BRD2: variants seen among roughly 807,000 people sequenced by gnomAD.
BRD2 encodes the protein bromodomain containing 2, also known as bromodomain-containing protein 2.
Under a neutral mutation model 79.1 loss-of-function variants are expected in BRD2, and 15 were observed. The ratio of observed to expected loss-of-function variants is 0.19; its 90% CI spans 0.13 to 0.29. The LOEUF (loss-of-function observed/expected upper bound fraction) is 0.29, where lower values mean the gene tolerates loss of function less well. Ranked by LOEUF, BRD2 falls within the 10% of genes least tolerant of loss-of-function variation. The pLI is 1.00. For synonymous variants in BRD2, 488 were observed against 358.6 expected (o/e 1.36, Z -4.08); for missense variants, 1,053 against 991.3 (o/e 1.06, Z -0.84).
At chr6:32,973,249 GTA>G in intron 2 of BRD2, 1 of 1,190,154 alleles carries the variant, frequency 8.4e-7, no homozygotes, top group South Asian at 1.4e-5. Context: ...GGTGGGTCTG[GTA>G]TCTAGCGGCG....
At position 32,968,904 on chromosome 6, in the gene BRD2, C is replaced by G. The variant is rs1448820419; in HGVS notation, c.-1457C>G. On this transcript the variant is annotated 5_prime_UTR_variant, in exon 1 of 13. Transcript: ENST00000374825. ...GCGCGGCCCCGATGCTCTCCCCACCCCCCCAGCCCGTTCGGGAAGGGAGGG... is the reference window on the plus strand; with the variant it reads ...GCGCGGCCCCGATGCTCTCCCCACCGCCCCAGCCCGTTCGGGAAGGGAGGG... The G allele has an allele frequency of 6.3e-6, 1 of 158,270 alleles. No individual in the cohort carries two copies. The highest frequency in any genetic ancestry group is 2.4e-5 in the African/African-American group (1 of 41,524). 9.8% of individuals were successfully genotyped at this position (158,270 alleles called of 1,614,324 possible).
Position 32,971,614 on chromosome 6 carries a change from T to C in BRD2, c.-1285T>C, listed in dbSNP as rs923359562. The C allele has an allele frequency of 6.6e-6, 3 of 455,380 alleles. No individual in the cohort carries two copies. Among genetic ancestry groups the C allele is most frequent in the African/African-American group, 4.1e-5 (2 of 48,878 alleles). The allele number at this position is 455,380 out of a possible 1,614,324, so 28.2% of individuals were successfully genotyped here. ...TTTCAGATTCTTCGCTGCTGCTGCC[T>C]TACCGCCGAGAACCACCACCCGCCA... On this transcript the variant is annotated 5_prime_UTR_variant, in exon 2 of 13. Transcript: ENST00000374825.
chr6:32,981,015 T>TA lies in BRD2; in HGVS notation c.*298dup, dbSNP rs1413519956. ...AGTGTGCAAAGCCCTGATCTGGAGT[T>TA]ACCTGAGGCCACAGCTGCCCTATTC... On this transcript the variant is annotated 3_prime_UTR_variant, in exon 13 of 13. Coordinates refer to ENST00000374825, the MANE Select transcript of BRD2 (RefSeq NM_005104.4). The TA allele has an allele frequency of 4.8e-6, 2 of 416,214 alleles. No individual in the cohort carries two copies. Among genetic ancestry groups the TA allele is most frequent in the Non-Finnish European group, 8.9e-6 (2 of 224,228 alleles). The allele number at this position is 416,214 out of a possible 1,614,324, so 25.8% of individuals were successfully genotyped here.
rs895995682 is a variant in BRD2, at chr6:32,972,109, G to A, written c.-790G>A. 36 of 692,062 alleles carry A rather than the reference G, an allele frequency of 5.2e-5. No homozygotes were observed. In the African/African-American group the frequency reaches 6.0e-4, roughly 12 times the overall value. 42.9% of individuals were successfully genotyped at this position (692,062 alleles called of 1,614,324 possible). ...GCGAGCGCGCGCGCGCGGAGGGGGT[G>A]GGGAAAAGCTCAAGCAGGGTGGCGC... On this transcript the variant is annotated 5_prime_UTR_variant, in exon 2 of 13. Transcript: ENST00000374825.
intron 10 of BRD2, chr6:32,978,601 CTG>C: frequency 1.4e-6 from 1 of 725,970 alleles, no homozygotes. Context: ...TGGGATGAAA[CTG>C]TTCCACCTCA....
chr6:32,974,822 G>T, intron 3 of BRD2, 57 bp downstream of exon 3: 1 of 1,577,162 alleles, frequency 6.3e-7, no homozygotes, highest in South Asian at 1.2e-5. Context: ...GCGTGTGAAT[G>T]GGGGTGGTCT....
In BRD2 at chr6:32,974,637, C is replaced by A; in HGVS notation, c.205C>A (p.Pro69Thr). ...ANPPPPEVSN[P>T]KKPGRVTNQL... ...CCCACCACCCCCGGAGGTGTCCAAT[C>A]CCAAAAAGCCAGGACGAGTTACCAA... The change falls in exon 3 of 13, where the codon CCC becomes ACC. Residue 69 changes from proline to threonine, a missense_variant. By Grantham distance (38) the Pro-to-Thr change is conservative. Around this residue, in one of 5 missense-constraint regions of BRD2, gnomAD observed 413 missense variants for 335.1 expected, o/e 1.23. Coordinates refer to ENST00000374825, the MANE Select transcript of BRD2 (RefSeq NM_005104.4). The A allele has an allele frequency of 6.2e-7, 1 of 1,614,208 alleles. No individual in the cohort carries two copies. Among genetic ancestry groups the A allele is most frequent in the Admixed American group, 1.7e-5 (1 of 60,032 alleles).
At chr6:32,980,518 TGTC>T in intron 12 of BRD2, 54 bp downstream of exon 12, 1 of 1,612,090 alleles carries the variant, frequency 6.2e-7, no homozygotes, top group Admixed American at 1.7e-5. Context: ...CCTTCTTGAC[TGTC>T]TTTTATTGAC....
Position 32,974,505 on chromosome 6 carries a change from G to C in BRD2, c.73G>C (p.Glu25Gln). ...GNAGLLGLGP[E>Q]AAAPGKRIRK... Reference sequence around the variant, plus strand: ...TGCAGGGTTGCTGGGGCTGGGCCCAGAAGCAGCAGCACCAGGGAAGAGGAT... The same window carrying C: ...TGCAGGGTTGCTGGGGCTGGGCCCACAAGCAGCAGCACCAGGGAAGAGGAT... The change falls in exon 3 of 13, where the codon GAA becomes CAA. Residue 25 changes from glutamate to glutamine, a missense_variant. Coordinates refer to ENST00000374825, the MANE Select transcript of BRD2 (RefSeq NM_005104.4). 1 of 1,613,798 alleles carries C rather than the reference G, an allele frequency of 6.2e-7. No homozygotes were observed. The highest frequency in any genetic ancestry group is 1.1e-5 in the South Asian group (1 of 91,086).
At chr6:32,979,075 T>G (rs1779180193) in intron 10 of BRD2, 1 of 149,332 alleles carries the variant, frequency 6.7e-6, no homozygotes, top group African/African-American at 2.5e-5. Context: ...GTTTTTTGTT[T>G]TGTTTTTTTT....
At position 32,968,787 on chromosome 6, in the gene BRD2, A is replaced by G. The variant is rs1777673651; in HGVS notation, c.-1574A>G. On this transcript the variant is annotated 5_prime_UTR_variant, in exon 1 of 13. Coordinates refer to ENST00000374825, the MANE Select transcript of BRD2 (RefSeq NM_005104.4). ...GCGCGACCCCCAGGAACGTTCGGAA[A>G]GCTGGTCCTCGTGGCTGGGGGAAAG... 6.9e-6 allele frequency: 1 copy of G among 144,250 alleles called. No individual in the cohort carries two copies. Among genetic ancestry groups the G allele is most frequent in the Non-Finnish European group, 1.5e-5 (1 of 66,176 alleles). The allele number at this position is 144,250 out of a possible 1,614,324, so 8.9% of individuals were successfully genotyped here. A position where few individuals can be genotyped will look rare whatever the true frequency, so the allele number is the denominator to read the frequency against.
rs534151114 is a variant in BRD2, at chr6:32,980,454, C to A, written c.2259C>A (p.Pro753=). ...VSGQLNSTKK[P]PKKANEKTES... is the part of the protein sequence containing the mutation. ...GACAGCTCAATTCTACTAAAAAGCCCCCCAAGAAAGGTGAGTATATACTTT... is the reference window on the plus strand; with the variant it reads ...GACAGCTCAATTCTACTAAAAAGCCACCCAAGAAAGGTGAGTATATACTTT... Residue 753 remains proline (P), a synonymous_variant, in exon 12 of 13, where the codon CCC becomes CCA. Coordinates refer to ENST00000374825, the MANE Select transcript of BRD2 (RefSeq NM_005104.4). 28 of 1,612,998 alleles carry A rather than the reference C, an allele frequency of 1.7e-5. No individual in the cohort carries two copies. Among genetic ancestry groups the A allele is most frequent in the South Asian group, 1.5e-4 (14 of 91,082 alleles).
Position 32,974,445 on chromosome 6 carries a change from T to C in BRD2, c.30-17T>C. 1 of 1,594,884 alleles carries C rather than the reference T, an allele frequency of 6.3e-7. No individual in the cohort carries two copies. Among genetic ancestry groups the C allele is most frequent in the Non-Finnish European group, 8.6e-7 (1 of 1,165,994 alleles). ...CATTTGGACGATATTGCCCTAATTT[T>C]GTTCCCATCTTTACAGGCTCCCTGG... is the stretch of plus-strand genomic sequence containing the variant. On this transcript the variant is annotated splice_polypyrimidine_tract_variant and intron_variant, in intron 2 of 12. Coordinates refer to ENST00000374825, the MANE Select transcript of BRD2 (RefSeq NM_005104.4).
chr6:32,971,998 G>T lies in BRD2; in HGVS notation c.-901G>T. 1 of 702,654 alleles carries T rather than the reference G, an allele frequency of 1.4e-6. No individual in the cohort carries two copies. Among genetic ancestry groups the T allele is most frequent in the Non-Finnish European group, 2.6e-6 (1 of 384,960 alleles). The allele number at this position is 702,654 out of a possible 1,614,324, so 43.5% of individuals were successfully genotyped here. ...CTGACACCTTGGAAATGAAGTTTAT[G>T]ACGTCATCGTTGCGGCTGGCCAATA... is the stretch of plus-strand genomic sequence containing the variant. On this transcript the variant is annotated 5_prime_UTR_variant, in exon 2 of 13. The change abolishes an upstream ATG in the 5' untranslated region. Coordinates refer to ENST00000374825, the MANE Select transcript of BRD2 (RefSeq NM_005104.4).
At position 32,968,974 on chromosome 6, in the gene BRD2, G is replaced by C. The variant is rs866119229; in HGVS notation, c.-1387G>C. The C allele has an allele frequency of 7.5e-5, 18 of 240,524 alleles. No individual in the cohort carries two copies. Among genetic ancestry groups the C allele is most frequent in the Non-Finnish European group, 2.4e-5 (3 of 123,826 alleles). 14.9% of individuals were successfully genotyped at this position (240,524 alleles called of 1,614,324 possible). A position where few individuals can be genotyped will look rare whatever the true frequency, so the allele number is the denominator to read the frequency against. On this transcript the variant is annotated 5_prime_UTR_variant, in exon 1 of 13. Transcript: ENST00000374825. ...CCCCCAGCACGGCTTCGTTTTCTGG[G>C]GGGGGGTTGACACCCCGGATTACAT...
intron 2 of BRD2, among the ~76,000 whole-genome samples, chr6:32,974,103 G>A (rs1778394974): frequency 6.6e-6 from 1 of 150,662 alleles, no homozygotes; most frequent in African/African-American, 2.5e-5. Flanking sequence ...CTTGGGGTTT[G>A]AGTTTCTTAA....
chr6:32,972,171 T>G lies in BRD2; in HGVS notation c.-728T>G, dbSNP rs1000231033. 2 of 594,128 alleles carry G rather than the reference T, an allele frequency of 3.4e-6. No homozygotes were observed. The highest frequency in any genetic ancestry group is 1.9e-5 in the African/African-American group (1 of 53,802). 36.8% of individuals were successfully genotyped at this position (594,128 alleles called of 1,614,324 possible). A position where few individuals can be genotyped will look rare whatever the true frequency, so the allele number is the denominator to read the frequency against. On this transcript the variant is annotated 5_prime_UTR_variant, in exon 2 of 13. Transcript: ENST00000374825. ...GAAGCTCCTCCTCCCCGCCTATATATAAAGGGCTGGCGCGGGGCTCGGCGG... is the reference window on the plus strand; with the variant it reads ...GAAGCTCCTCCTCCCCGCCTATATAGAAAGGGCTGGCGCGGGGCTCGGCGG...
intron 7 of BRD2, 145 bp from the exon 8 acceptor site, chr6:32,977,297 C>G: frequency 6.3e-7 from 1 of 1,595,084 alleles, no homozygotes; most frequent in South Asian, 1.1e-5. Flanking sequence ...ATTCCTTTGA[C>G]TTCAAACTTG....
rs559643540 is a variant in BRD2, at chr6:32,981,313, T to G, written c.*595T>G. On this transcript the variant is annotated 3_prime_UTR_variant, in exon 13 of 13. Transcript: ENST00000374825. ...TAAATAAAGAAAATATTATTCAAGTTTTGAGTTACCTTAATATTTGCTTTT... is the reference window on the plus strand; with the variant it reads ...TAAATAAAGAAAATATTATTCAAGTGTTGAGTTACCTTAATATTTGCTTTT... 8 of 152,394 alleles carry G rather than the reference T, an allele frequency of 5.2e-5. No individual in the cohort carries two copies. Among genetic ancestry groups the G allele is most frequent in the Non-Finnish European group, 1.0e-4 (7 of 68,090 alleles). The allele number at this position is 152,394 out of a possible 1,614,324, so 9.4% of individuals were successfully genotyped here. A position where few individuals can be genotyped will look rare whatever the true frequency, so the allele number is the denominator to read the frequency against.
Sources: gnomAD v4.1 joint callset for allele counts (sites outside exome capture counted in the v4.1 genomes callset) on GRCh38, gnomAD v4.1.1 for gene constraint, gnomAD v4.1.1 regional missense constraint, MANE v1.5 for transcripts, NCBI Gene and HGNC (gene_info 2026-07-23, HGNC 2026-07-21) for gene names.